SLC46A1: variants seen among roughly 807,000 people sequenced by gnomAD.
SLC46A1 encodes solute carrier family 46 member 1.
A neutral mutation model predicts 32.1 loss-of-function variants in SLC46A1; 17 were observed. The ratio of observed to expected loss-of-function variants is 0.53; its 90% CI spans 0.36 to 0.79. The LOEUF is 0.79. Among genes scored for constraint, SLC46A1 ranks in the 30% least tolerant of loss-of-function variants. SLC46A1 has a pLI of 0.00. For missense variants in SLC46A1, 517 were observed against 588.2 expected, an observed-to-expected ratio of 0.88 and a Z score of 1.25; for synonymous variants, 240 against 262.7, an observed-to-expected ratio of 0.91 and a Z score of 0.84.
rs2068107978 is a variant in SLC46A1 at position 28,395,432 on chromosome 17, G to A, written c.*4224C>T. ...GGCTCTTCAAAACCCCTTGTTTGGG[G>A]GTTTTTATGGAGGTTCCATTATGTA... On this transcript the variant is annotated 3_prime_UTR_variant, in exon 5 of 5. Coordinates refer to ENST00000612814, the MANE Select transcript of SLC46A1 (RefSeq NM_080669.6). 1 of 157,040 alleles carries A rather than the reference G, an allele frequency of 6.4e-6. No homozygotes were observed. Among genetic ancestry groups the A allele is most frequent in the African/African-American group, 2.4e-5 (1 of 41,448 alleles). The allele number at this position is 157,040 out of a possible 1,614,324, so 9.7% of individuals were successfully genotyped here.
At position 28,402,316 on chromosome 17, in the gene SLC46A1, C is replaced by T. The variant is rs782721611; in HGVS notation, c.1087G>A (p.Gly363Arg). ...TITPLMFTGY[G>R]LLFLSLVITP... ...ATGACTAATGACAGGAAAAGCAACC[C>T]ATATCCTGTGGAGAAACAAACACTC... Residue 363 changes from glycine (G) to arginine (R), a missense_variant, in exon 3 of 5, where the codon GGG becomes AGG. By Grantham distance (125) the Gly-to-Arg change is moderately radical. Transcript: ENST00000612814. 1 of 1,613,032 alleles carries T rather than the reference C, an allele frequency of 6.2e-7. No homozygotes were observed. The highest frequency in any genetic ancestry group is 1.3e-5 in the African/African-American group (1 of 75,042).
In SLC46A1 at chr17:28,406,016, G is replaced by A; in HGVS notation, c.99C>T (p.Asn33=). ...GPVEPLVFLA[N]FALVLQGPLT... ...GCGGGCCCTGCAGGACCAAGGCAAA[G>A]TTGGCCAGGAAGACCAGCGGCTCTA... The change falls in exon 1 of 5, where the codon AAC becomes AAT. Residue 33 remains asparagine (N), a synonymous_variant. Coordinates refer to ENST00000612814, the MANE Select transcript of SLC46A1 (RefSeq NM_080669.6). This position sits in a 1 kb window ranked among gnomAD's most constrained non-coding sequence, Gnocchi z 4.5. 1 of 1,610,500 alleles carries A rather than the reference G, an allele frequency of 6.2e-7. No individual in the cohort carries two copies. Among genetic ancestry groups the A allele is most frequent in the Non-Finnish European group, 8.5e-7 (1 of 1,178,980 alleles).
At chr17:28,406,492 G>C (rs2068263461), upstream of SLC46A1, 1 of 204,794 alleles carries the variant, frequency 4.9e-6, no homozygotes, top group African/African-American at 2.3e-5. The surrounding 1 kb of genome is among the most constrained non-coding windows in gnomAD (Gnocchi z 4.5). Context: ...CTTTTTGTGC[G>C]TTGGTCTCCC....
In SLC46A1 at chr17:28,405,057, G is replaced by A. The variant is rs2068240633; in HGVS notation, c.640C>T (p.Leu214=). The change falls in exon 2 of 5, where the codon CTG becomes TTG. Residue 214 remains leucine (L), a synonymous_variant. Transcript: ENST00000612814. The part of the protein sequence containing the change: ...RAQGYANPFW[L]ALALLIAMTL... The stretch of plus-strand genomic sequence containing the variant: ...ATGGCTATCAGCAAGGCCAAGGCCA[G>A]CCAGAAGGGGTTGGCATAACCCTGG... 6.2e-7 allele frequency: 1 copy of A among 1,613,912 alleles called. No homozygotes were observed. The highest frequency in any genetic ancestry group is 2.2e-5 in the East Asian group (1 of 44,900).
intron 3 of SLC46A1, chr17:28,401,289 G>A (rs2068194949): frequency 6.1e-6 from 1 of 163,408 alleles, no homozygotes; most frequent in Non-Finnish European, 1.3e-5. Flanking sequence ...CCCATCACTG[G>A]GCCTGGTCCC....
At chr17:28,400,265 C>A in intron 4 of SLC46A1, 1 of 297,338 alleles carries the variant, frequency 3.4e-6, no homozygotes, top group South Asian at 4.2e-5. Flanking sequence ...CCAGCCACAA[C>A]TAGCTGACAA....
Position 28,396,080 on chromosome 17 carries a change from G to A in SLC46A1, c.*3576C>T, listed in dbSNP as rs1461471335. The stretch of plus-strand genomic sequence containing the variant: ...GGTAGGGTACAAATCACCATGACAG[G>A]CAGAGTGTGGGCAAACAGCTGACTA... On this transcript the variant is annotated 3_prime_UTR_variant, in exon 5 of 5. Transcript: ENST00000612814. 1.9e-6 allele frequency: 3 copies of A among 1,613,342 alleles called. No homozygotes were observed. The highest frequency in any genetic ancestry group is 2.5e-6 in the Non-Finnish European group (3 of 1,179,622).
intron 1 of SLC46A1, 56 bp downstream of exon 1, chr17:28,405,831 C>T: frequency 6.7e-7 from 1 of 1,494,842 alleles, no homozygotes; most frequent in Non-Finnish European, 9.0e-7. Context: ...CCCTCCGCTG[C>T]CCCCACGCTC....
rs1385287448 is a variant in SLC46A1 at position 28,396,473 on chromosome 17, G to A, written c.*3183C>T. The A allele has an allele frequency of 1.5e-6, 1 of 686,222 alleles. No individual in the cohort carries two copies. Among genetic ancestry groups the A allele is most frequent in the African/African-American group, 1.8e-5 (1 of 55,332 alleles). 42.5% of individuals were successfully genotyped at this position (686,222 alleles called of 1,614,324 possible). A position where few individuals can be genotyped will look rare whatever the true frequency, so the allele number is the denominator to read the frequency against. On this transcript the variant is annotated 3_prime_UTR_variant, in exon 5 of 5. Transcript: ENST00000612814. Reference sequence around the variant, plus strand: ...CCACTTTCCTCAGTATCTGGAGAGGGAAGGGAAGTCAGGCTTGGGCACGGG... The same window carrying A: ...CCACTTTCCTCAGTATCTGGAGAGGAAAGGGAAGTCAGGCTTGGGCACGGG...
At chr17:28,406,336 A>G (rs1222761531), upstream of SLC46A1, 1 of 415,206 alleles carries the variant, frequency 2.4e-6, no homozygotes, top group Non-Finnish European at 4.2e-6. This position sits in a 1 kb window ranked among gnomAD's most constrained non-coding sequence, Gnocchi z 4.5. Flanking sequence ...CGGCACCCCC[A>G]GCCCGCGGGA....
In SLC46A1 at chr17:28,405,899, G is replaced by T. The variant is rs2068255989; in HGVS notation, c.216C>A (p.Asp72Glu). 6 of 1,594,980 alleles carry T rather than the reference G, an allele frequency of 3.8e-6. No homozygotes were observed. Among genetic ancestry groups the T allele is most frequent in the South Asian group, 1.1e-5 (1 of 88,154 alleles). ...GCCGCCCCGCTACCTGCATGGTGGG[G>T]TCCGCGCTGCGGTTGCTGCAGCCCC... The part of the protein sequence containing the change: ...QRGGCSNRSA[D>E]PTMQEVETLT... Residue 72 changes from aspartate (D) to glutamate (E), a missense_variant, in exon 1 of 5, where the codon GAC (aspartate) becomes GAA (glutamate). Coordinates refer to ENST00000612814, the MANE Select transcript of SLC46A1 (RefSeq NM_080669.6).
chr17:28,400,337 T>G, intron 4 of SLC46A1: 2 of 448,136 alleles, frequency 4.5e-6, no homozygotes, highest in Non-Finnish European at 8.2e-6. Flanking sequence ...AAAATGGGAA[T>G]GGAGGGAAAT....
In SLC46A1 at chr17:28,405,985, T is replaced by A; in HGVS notation, c.130A>T (p.Thr44Ser). 6.2e-7 allele frequency: 1 copy of A among 1,611,578 alleles called. No individual in the cohort carries two copies. Among genetic ancestry groups the A allele is most frequent in the Non-Finnish European group, 8.5e-7 (1 of 1,179,316 alleles). Reference sequence around the variant, plus strand: ...CTGAAGCGGTGCCACAGATACTGCGTGGTGAGCGGGCCCTGCAGGACCAAG... The same window carrying A: ...CTGAAGCGGTGCCACAGATACTGCGAGGTGAGCGGGCCCTGCAGGACCAAG... Reference protein sequence around the residue: ...FALVLQGPLTTQYLWHRFSAD... With the variant: ...FALVLQGPLTSQYLWHRFSAD... The change falls in exon 1 of 5, where the codon ACG becomes TCG. Residue 44 changes from threonine to serine, a missense_variant. By Grantham distance (58) the Thr-to-Ser change is moderately conservative (BLOSUM62 1). Transcript: ENST00000612814.
chr17:28,405,226 G>A lies in SLC46A1; in HGVS notation c.471C>T (p.Phe157=). 1 of 1,593,642 alleles carries A rather than the reference G, an allele frequency of 6.3e-7. No individual in the cohort carries two copies. Among genetic ancestry groups the A allele is most frequent in the Non-Finnish European group, 8.5e-7 (1 of 1,170,636 alleles). The change falls in exon 2 of 5, where the codon TTC becomes TTT. Residue 157 remains phenylalanine, a synonymous_variant. Coordinates refer to ENST00000612814, the MANE Select transcript of SLC46A1 (RefSeq NM_080669.6). ...GRILCALLGD[F]GGLLAASFAS... is the part of the protein sequence containing the mutation. Reference sequence around the variant, plus strand: ...CAAAGCTAGCAGCCAGAAGGCCACCGAAGTCGCCGAGGAGGGCACAAAGGA... The same window carrying A: ...CAAAGCTAGCAGCCAGAAGGCCACCAAAGTCGCCGAGGAGGGCACAAAGGA...
In SLC46A1 at chr17:28,405,257, C is replaced by A. The variant is rs782255493; in HGVS notation, c.440G>T (p.Gly147Val). The stretch of plus-strand genomic sequence containing the variant: ...GCCGAGGAGGGCACAAAGGATGCGA[C>A]CCAGCACGAAGTAGCCGACGTGGAG... Reference protein sequence around the residue: ...LQLHVGYFVLGRILCALLGDF... With the variant: ...LQLHVGYFVLVRILCALLGDF... The change falls in exon 2 of 5, where the codon GGT (glycine) becomes GTT (valine). Residue 147 changes from glycine to valine, a missense_variant. Physicochemically the swap from Gly to Val is moderately radical, Grantham distance 109. Coordinates refer to ENST00000612814, the MANE Select transcript of SLC46A1 (RefSeq NM_080669.6). 3.8e-6 allele frequency: 6 copies of A among 1,586,620 alleles called. No individual in the cohort carries two copies. Among genetic ancestry groups the A allele is most frequent in the Non-Finnish European group, 4.3e-6 (5 of 1,167,166 alleles).
At position 28,399,541 on chromosome 17, in the gene SLC46A1, C is replaced by T; in HGVS notation, c.*115G>A. 1 of 1,059,804 alleles carries T rather than the reference C, an allele frequency of 9.4e-7. No homozygotes were observed. The highest frequency in any genetic ancestry group is 1.4e-6 in the Non-Finnish European group (1 of 700,830). 65.7% of individuals were successfully genotyped at this position (1,059,804 alleles called of 1,614,324 possible). ...TTGACTACCTCGTCCAAAGAGAGCACTGCCCTTAGACAAGAGTTGCTTGTC... is the reference window on the plus strand; with the variant it reads ...TTGACTACCTCGTCCAAAGAGAGCATTGCCCTTAGACAAGAGTTGCTTGTC... On this transcript the variant is annotated 3_prime_UTR_variant, in exon 5 of 5. Transcript: ENST00000612814.
chr17:28,396,201 G>T lies in SLC46A1; in HGVS notation c.*3455C>A. On this transcript the variant is annotated 3_prime_UTR_variant, in exon 5 of 5. Transcript: ENST00000612814. ...GAGGCCACCATTGAGAAGATCATCC[G>T]CTTCCTGCAGGGCCGCTCCTCCCGG... 1 of 1,613,968 alleles carries T rather than the reference G, an allele frequency of 6.2e-7. No individual in the cohort carries two copies. The highest frequency in any genetic ancestry group is 8.5e-7 in the Non-Finnish European group (1 of 1,179,878).
In SLC46A1 at chr17:28,406,093, G is replaced by C; in HGVS notation, c.22C>G (p.Pro8Ala). The stretch of plus-strand genomic sequence containing the variant: ...GCAGGGCGGGCGCGGGGCTTTTCCG[G>C]GGGGCTCGCGCTCCCCTCCATGTGC... MEGSASP[P>A]EKPRARPAAA... Residue 8 changes from proline (P) to alanine (A), a missense_variant, in exon 1 of 5, where the codon CCG (proline) becomes GCG (alanine). By Grantham distance (27) the Pro-to-Ala change is conservative. Coordinates refer to ENST00000612814, the MANE Select transcript of SLC46A1 (RefSeq NM_080669.6). The surrounding 1 kb of genome is among the most constrained non-coding windows in gnomAD (Gnocchi z 4.5). 1 of 1,562,520 alleles carries C rather than the reference G, an allele frequency of 6.4e-7. No individual in the cohort carries two copies. Among genetic ancestry groups the C allele is most frequent in the Non-Finnish European group, 8.6e-7 (1 of 1,156,688 alleles).
chr17:28,405,434 T>C lies in SLC46A1; in HGVS notation c.263A>G (p.Tyr88Cys), dbSNP rs1555591056. 6.3e-7 allele frequency: 1 copy of C among 1,595,646 alleles called. No homozygotes were observed. Among genetic ancestry groups the C allele is most frequent in the Non-Finnish European group, 8.5e-7 (1 of 1,172,004 alleles). ...CACCAGGAAGCCGCCCACGTTCATGTAGAGGGTCCAGTGGGAGGTAAGGGT... is the reference window on the plus strand; with the variant it reads ...CACCAGGAAGCCGCCCACGTTCATGCAGAGGGTCCAGTGGGAGGTAAGGGT... ...VETLTSHWTLYMNVGGFLVGL... is the reference protein window; with the variant it reads ...VETLTSHWTLCMNVGGFLVGL... Residue 88 changes from tyrosine (Y) to cysteine (C), a missense_variant, in exon 2 of 5, where the codon TAC becomes TGC. By Grantham distance (194) the Tyr-to-Cys change is radical. Coordinates refer to ENST00000612814, the MANE Select transcript of SLC46A1 (RefSeq NM_080669.6).
Sources: allele counts gnomAD v4.1 joint callset, GRCh38; gene constraint gnomAD v4.1.1; non-coding constraint Gnocchi (gnomAD v3.1); transcripts MANE v1.5; gene names NCBI Gene and HGNC (gene_info 2026-07-23, HGNC 2026-07-21).